The following STAU2 variants were observed in gnomAD, a reference collection of about 807,000 sequenced individuals.
STAU2 encodes double-stranded RNA-binding protein Staufen homolog 2.
Under a neutral mutation model 65.9 loss-of-function variants are expected in STAU2, and 20 were observed. That is an observed-to-expected ratio of 0.30 (90% CI 0.21 to 0.44). The LOEUF is 0.44. Ranked by LOEUF, STAU2 falls within the 20% of genes least tolerant of loss-of-function variation. STAU2 has a pLI of 1.00. For missense variants in STAU2, 558 were observed against 683.9 expected (o/e 0.82, Z 2.05); for synonymous variants, 232 against 233.9 (o/e 0.99, Z 0.07).
At chr8:73,598,056 C>G (rs1811331039) in intron 10 of STAU2, among the ~76,000 whole-genome samples, 1 of 151,728 alleles carries the variant, frequency 6.6e-6, no homozygotes, top group South Asian at 2.1e-4. Context: ...AACATAGATG[C>G]AAAAGTTTTA....
At chr8:73,439,257 C>A in intron 13 of STAU2, 1 of 348,510 alleles carries the variant, frequency 2.9e-6, no homozygotes, top group South Asian at 2.2e-5. Context: ...GCATTGCATG[C>A]AAAAGTCAAG....
At chr8:73,661,102 T>A (rs903783737) in intron 6 of STAU2, among the ~76,000 whole-genome samples, 1 of 152,220 alleles carries the variant, frequency 6.6e-6, no homozygotes, top group African/African-American at 2.4e-5. Flanking sequence ...TTTATTCTCC[T>A]AACTTACAGG....
At chr8:73,726,024 A>G (rs1168255802) in intron 3 of STAU2, among the ~76,000 whole-genome samples, 2 of 140,532 alleles carry the variant, frequency 1.4e-5, no homozygotes, top group South Asian at 4.5e-4. Flanking sequence ...TTTTTTTTTA[A>G]TATTTCTTCT....
rs566649704 is a variant in STAU2, at chr8:73,627,377, G to A, written c.411-9926C>T. Among the ~76,000 whole-genome samples, 29 of 152,140 alleles carry A rather than the reference G, an allele frequency of 1.9e-4. No homozygotes were observed. The South Asian group carries it at 3.9e-3, about 21-fold the overall frequency. On this transcript the variant is annotated intron_variant, in intron 6 of 14. Transcript: ENST00000524300. ...GATTCAGGATGGAGTCCAGGAATGC[G>A]CACATTACCTAACAGCCTAGGTGGT...
chr8:73,679,579 A>C (rs1274040803), intron 5 of STAU2, among the ~76,000 whole-genome samples: 1 of 152,052 alleles, frequency 6.6e-6, no homozygotes, highest in Non-Finnish European at 1.5e-5. Context: ...AGCTGAGCGA[A>C]ATATAAAAGT....
intron 13 of STAU2, among the ~76,000 whole-genome samples, chr8:73,480,148 C>G (rs937292399): frequency 6.6e-6 from 1 of 152,092 alleles, no homozygotes; most frequent in Non-Finnish European, 1.5e-5. Context: ...CTACCCCCAC[C>G]CAATTCTCCA....
At chr8:73,672,202 G>C (rs979928620) in intron 6 of STAU2, 3 of 152,158 alleles carry the variant, frequency 2.0e-5, no homozygotes, top group Non-Finnish European at 4.4e-5. Flanking sequence ...CAACATGGAT[G>C]AATCCCCAAA....
At chr8:73,450,382 G>A (rs924957689) in intron 13 of STAU2, among the ~76,000 whole-genome samples, 2 of 152,066 alleles carry the variant, frequency 1.3e-5, no homozygotes, top group Admixed American at 6.5e-5. Context: ...AGTTTCACCC[G>A]ATTGCCAAAG....
chr8:73,542,847 G>C (rs1268299669), intron 13 of STAU2, among the ~76,000 whole-genome samples: 1 of 152,112 alleles, frequency 6.6e-6, no homozygotes, highest in Non-Finnish European at 1.5e-5. Context: ...TGTAATGTAT[G>C]TAATACATTA....
rs187085566 is a variant in STAU2, at chr8:73,704,755, G to A, written c.114+4277C>T. Among the ~76,000 whole-genome samples, 774 of 152,172 alleles carry A rather than the reference G, an allele frequency of 5.1e-3. 5 individuals carry two copies. Among genetic ancestry groups the A allele is most frequent in the African/African-American group, 0.017 (724 of 41,534 alleles). On this transcript the variant is annotated intron_variant, in intron 4 of 14. Coordinates refer to ENST00000524300, the MANE Select transcript of STAU2 (RefSeq NM_001164380.2). ...GCGATCTCAGCTCACGGCAACCTCC[G>A]CCTCCCAGGTTCAAGCAATTCTCCT...
Position 73,530,502 on chromosome 8 carries a change from T to C in STAU2, c.1530+21510A>G, listed in dbSNP as rs540831544. The stretch of plus-strand genomic sequence containing the variant: ...AAATACAGTATTTCCAGCTAGTGGG[T>C]AGCTCTAAGAGAATAGCTGATACAG... On this transcript the variant is annotated intron_variant, in intron 13 of 14. Coordinates refer to ENST00000524300, the MANE Select transcript of STAU2 (RefSeq NM_001164380.2). 1.1e-4 allele frequency among the ~76,000 whole-genome samples: 16 copies of C among 152,272 alleles called. No individual in the cohort carries two copies. The South Asian group carries it at 3.1e-3, about 30-fold the overall frequency.
chr8:73,673,380 C>A (rs994900393), intron 5 of STAU2, 138 bp from the exon 6 acceptor site: 5 of 917,640 alleles, frequency 5.4e-6, no homozygotes, highest in Non-Finnish European at 7.3e-6. Flanking sequence ...TTCTAAGGAA[C>A]TGCGAAAACA....
At chr8:73,733,257 A>G (rs1026355788) in intron 3 of STAU2, among the ~76,000 whole-genome samples, 1 of 152,178 alleles carries the variant, frequency 6.6e-6, no homozygotes, top group East Asian at 1.9e-4. Flanking sequence ...CCCAGTTGCT[A>G]GGCTCTCCCA....
chr8:73,517,378 T>C (rs1585915847), intron 13 of STAU2, among the ~76,000 whole-genome samples: 2 of 152,166 alleles, frequency 1.3e-5, no homozygotes, highest in South Asian at 2.1e-4. Flanking sequence ...TGAGCTAAGA[T>C]TGTGCCACTG....
chr8:73,518,943 A>C (rs1822891330), intron 13 of STAU2, among the ~76,000 whole-genome samples: 1 of 152,256 alleles, frequency 6.6e-6, no homozygotes, highest in South Asian at 2.1e-4. Context: ...ATTTAAAAAA[A>C]TCAACAAATA....
chr8:73,596,139 T>C (rs117981941), intron 10 of STAU2, among the ~76,000 whole-genome samples: 3 of 150,430 alleles, frequency 2.0e-5, no homozygotes, highest in African/African-American at 7.3e-5. Flanking sequence ...GGCTTCCAAG[T>C]CAGATTGGGA....
At chr8:73,598,867 G>C (rs955281307) in intron 10 of STAU2, among the ~76,000 whole-genome samples, 2 of 152,040 alleles carry the variant, frequency 1.3e-5, no homozygotes, top group Non-Finnish European at 2.9e-5. Flanking sequence ...CCACATTCAA[G>C]TAGAAGATGA....
intron 13 of STAU2, among the ~76,000 whole-genome samples, chr8:73,425,619 A>ATCTCTC (rs57368986): frequency 6.7e-6 from 1 of 150,050 alleles, no homozygotes; most frequent in Non-Finnish European, 1.5e-5. Context: ...GGATAGCAAA[A>ATCTCTC]TCTCTCTCTC....
chr8:73,677,198 T>C (rs372451892), intron 5 of STAU2, among the ~76,000 whole-genome samples: 130 of 152,280 alleles, frequency 8.5e-4, no homozygotes, highest in African/African-American at 3.0e-3. Flanking sequence ...CCTCTCAGCA[T>C]AATAGCTAAA....
Sources: allele counts gnomAD v4.1 joint callset (sites outside exome capture counted in the v4.1 genomes callset), GRCh38; gene constraint gnomAD v4.1.1; transcripts MANE v1.5; gene names NCBI Gene and HGNC (gene_info 2026-07-23, HGNC 2026-07-21).